SAMD8: variants seen among roughly 807,000 people sequenced by gnomAD.
SAMD8 encodes sterile alpha motif domain containing 8.
Under a neutral mutation model 42.0 loss-of-function variants are expected in SAMD8, and 20 were observed. The observed-to-expected ratio is 0.48, with a 90% CI of 0.34 to 0.69. SAMD8 has a LOEUF of 0.69. SAMD8 is among the 30% of genes least tolerant of loss of function. The pLI is 0.01. For missense variants in SAMD8, 328 were observed against 511.6 expected (o/e 0.64, Z 3.46); for synonymous variants, 162 against 173.0 (o/e 0.94, Z 0.50).
chr10:75,159,824 A>G (rs1299081353), intron 2 of SAMD8, among the ~76,000 whole-genome samples: 1 of 152,148 alleles, frequency 6.6e-6, no homozygotes, highest in Non-Finnish European at 1.5e-5. Context: ...TTCTAATCTC[A>G]TAACCCACTA....
chr10:75,103,480 C>A (rs966121695), intron 1 of SAMD8, among the ~76,000 whole-genome samples: 9 of 152,342 alleles, frequency 5.9e-5, no homozygotes, highest in African/African-American at 2.2e-4. Flanking sequence ...CCCCACTGTC[C>A]CCTGAGGCCA....
chr10:75,152,696 A>G lies in SAMD8; in HGVS notation c.578+1590A>G, dbSNP rs542675252. ...AGACTTGCAACATAGCAAGACCCCC[A>G]TCTCTCCAAAAAATTAAAAATTAGC... On this transcript the variant is annotated intron_variant, in intron 2 of 5. Transcript: ENST00000542569. Among the ~76,000 whole-genome samples, 3 of 151,996 alleles carry G rather than the reference A, an allele frequency of 2.0e-5. No individual in the cohort carries two copies. The East Asian group carries it at 5.8e-4, about 29-fold the overall frequency.
Position 75,150,792 on chromosome 10 carries a change from C to T in SAMD8, c.264C>T (p.Tyr88=), listed in dbSNP as rs1339582622. The T allele has an allele frequency of 9.3e-6, 15 of 1,614,064 alleles. No homozygotes were observed. Among genetic ancestry groups the T allele is most frequent in the Non-Finnish European group, 8.5e-7 (1 of 1,180,038 alleles). The change falls in exon 2 of 6, where the codon TAC becomes TAT. Residue 88 remains tyrosine (Y), a synonymous_variant. Coordinates refer to ENST00000542569, the MANE Select transcript of SAMD8 (RefSeq NM_001174156.2). ...IHIDVLEEMG[Y]NSDSPMGSMT... ...TTGATGTTTTAGAAGAGATGGGCTA[C>T]AACAGTGACAGTCCCATGGGTTCCA...
upstream of SAMD8, chr10:75,109,333 A>C: frequency 9.0e-6 from 5 of 558,534 alleles, no homozygotes; most frequent in East Asian, 3.5e-5. Context: ...CCACCCCCAA[A>C]CTCCATGAGA....
At chr10:75,167,394 C>T (rs773165628) in intron 3 of SAMD8, among the ~76,000 whole-genome samples, 2 of 152,044 alleles carry the variant, frequency 1.3e-5, no homozygotes, top group Non-Finnish European at 2.9e-5. Context: ...TGCAGATACA[C>T]ACCAACATGC....
chr10:75,099,721 C>A, exon 1 of SAMD8: 1 of 324,934 alleles, frequency 3.1e-6, no homozygotes, highest in Non-Finnish European at 5.2e-6. Context: ...GGGAGTCTAC[C>A]TGAAGAGGTG....
intron 4 of SAMD8, among the ~76,000 whole-genome samples, chr10:75,170,985 T>A (rs1434413178): frequency 6.6e-6 from 1 of 151,458 alleles, no homozygotes; most frequent in East Asian, 1.9e-4. Flanking sequence ...GGTCTCGAAC[T>A]CCTGACCTCA....
At chr10:75,114,742 T>C (rs1248695613) in intron 1 of SAMD8, among the ~76,000 whole-genome samples, 1 of 152,218 alleles carries the variant, frequency 6.6e-6, no homozygotes, top group African/African-American at 2.4e-5. Flanking sequence ...GTACCTAGCA[T>C]GCCCGTTAAT....
intron 4 of SAMD8, among the ~76,000 whole-genome samples, chr10:75,174,738 C>T (rs1564697901): frequency 2.1e-5 from 3 of 145,892 alleles, no homozygotes; most frequent in Non-Finnish European, 4.6e-5. Flanking sequence ...CTGCAGTATG[C>T]TTTTTTTTTT....
chr10:75,121,373 T>G (rs1849000946), intron 1 of SAMD8, among the ~76,000 whole-genome samples: 1 of 152,220 alleles, frequency 6.6e-6, no homozygotes, highest in Non-Finnish European at 1.5e-5. Flanking sequence ...AGCTTAACTC[T>G]CTAGCCTTAG....
intron 1 of SAMD8, among the ~76,000 whole-genome samples, chr10:75,142,896 C>CA (rs1840053433): frequency 2.0e-5 from 3 of 152,238 alleles, no homozygotes; most frequent in African/African-American, 7.2e-5. Context: ...ATGAGGACAG[C>CA]ATCCTCTTCC....
chr10:75,169,722 G>A (rs1436913702), intron 4 of SAMD8, among the ~76,000 whole-genome samples: 2 of 152,028 alleles, frequency 1.3e-5, no homozygotes, highest in Non-Finnish European at 2.9e-5. Context: ...AAGACCCAGC[G>A]TGGCCAACAT....
chr10:75,175,978 C>A, intron 4 of SAMD8, 88 bp from the exon 5 acceptor site: 1 of 1,529,466 alleles, frequency 6.5e-7, no homozygotes, highest in Non-Finnish European at 8.8e-7. Flanking sequence ...CTAAGTTATT[C>A]AGCATTTGAA....
chr10:75,132,684 G>C (rs775443863), intron 1 of SAMD8, among the ~76,000 whole-genome samples: 12 of 122,618 alleles, frequency 9.8e-5, no homozygotes, highest in Non-Finnish European at 1.4e-4. Context: ...TGAAATAGCT[G>C]TCCAAAGGCA....
intron 2 of SAMD8, among the ~76,000 whole-genome samples, chr10:75,151,728 C>G (rs1840292097): frequency 6.6e-6 from 1 of 152,114 alleles, no homozygotes; most frequent in Admixed American, 6.5e-5. Context: ...GCTCTGTCAC[C>G]CAGGCTGGAG....
At chr10:75,100,485 A>G (rs1848090753) in intron 1 of SAMD8, among the ~76,000 whole-genome samples, 1 of 152,090 alleles carries the variant, frequency 6.6e-6, no homozygotes, top group Non-Finnish European at 1.5e-5. Flanking sequence ...TGGTTGTGGC[A>G]GCTCCGCCGG....
At position 75,171,357 on chromosome 10, in the gene SAMD8, C is replaced by T. The variant is rs559240305; in HGVS notation, c.792+2699C>T. 1.1e-4 allele frequency among the ~76,000 whole-genome samples: 17 copies of T among 149,928 alleles called. No homozygotes were observed. In the South Asian group the frequency reaches 2.6e-3, roughly 23 times the overall value. ...AATTTTTTTGTATTTTTAGTAGAGA[C>T]GGGGTTTCACTGTGTTAGCCAGGAT... On this transcript the variant is annotated intron_variant, in intron 4 of 5. Coordinates refer to ENST00000542569, the MANE Select transcript of SAMD8 (RefSeq NM_001174156.2).
intron 1 of SAMD8, among the ~76,000 whole-genome samples, chr10:75,144,668 G>C (rs1278853127): frequency 6.6e-6 from 1 of 151,304 alleles, no homozygotes; most frequent in Non-Finnish European, 1.5e-5. Context: ...TCTTTTCATT[G>C]TTTTTTTGAG....
At chr10:75,116,450 G>A (rs1848883460) in intron 1 of SAMD8, among the ~76,000 whole-genome samples, 1 of 152,114 alleles carries the variant, frequency 6.6e-6, no homozygotes, top group Non-Finnish European at 1.5e-5. Context: ...AGGACAAGAG[G>A]TAGTAACATG....
Sources: gnomAD v4.1 joint callset for allele counts (sites outside exome capture counted in the v4.1 genomes callset) on GRCh38, gnomAD v4.1.1 for gene constraint, MANE v1.5 for transcripts, NCBI Gene and HGNC (gene_info 2026-07-23, HGNC 2026-07-21) for gene names.